RPS20: variants seen among roughly 807,000 people sequenced by gnomAD.
The protein encoded by RPS20 is small ribosomal subunit protein uS10.
RPS20 carries 3 observed loss-of-function variants against 15.3 expected under a neutral mutation model. The ratio of observed to expected loss-of-function variants is 0.20; its 90% CI spans 0.09 to 0.51. The LOEUF (loss-of-function observed/expected upper bound fraction) is 0.51, where lower values mean the gene tolerates loss of function less well. Among genes scored for constraint, RPS20 ranks in the 20% least tolerant of loss-of-function variants. The pLI is 0.96. For missense variants in RPS20, 67 were observed against 145.9 expected, an observed-to-expected ratio of 0.46 and a Z score of 2.79; for synonymous variants, 62 against 47.8, an observed-to-expected ratio of 1.30 and a Z score of -1.23.
chr8:56,072,990 A>T (rs978547374), downstream of RPS20: 4 of 1,482,732 alleles, frequency 2.7e-6, no homozygotes, highest in Non-Finnish European at 3.6e-6. Context: ...GAAAAGTGGA[A>T]GTCTCATAGT....
chr8:56,072,445 G>A (rs1183143940), downstream of RPS20, among the ~76,000 whole-genome samples: 3 of 150,692 alleles, frequency 2.0e-5, no homozygotes, highest in Non-Finnish European at 1.5e-5. Context: ...CCAACTACTT[G>A]GGAGGCTGAG....
chr8:56,071,568 G>C (rs184696708), downstream of RPS20, among the ~76,000 whole-genome samples: 4 of 152,284 alleles, frequency 2.6e-5, no homozygotes, highest in East Asian at 7.7e-4. Flanking sequence ...GAGGGGCAAG[G>C]GGTGACTCCA....
chr8:56,072,761 G>T, downstream of RPS20: 1 of 515,556 alleles, frequency 1.9e-6, no homozygotes, highest in Non-Finnish European at 2.5e-6. Flanking sequence ...TAGCGCACTA[G>T]GTTCTCAACC....
intron 1 of RPS20, 106 bp from the exon 2 acceptor site, chr8:56,074,265 C>T (rs752702767): frequency 1.3e-6 from 2 of 1,518,168 alleles, no homozygotes; most frequent in Non-Finnish European, 1.8e-6. Context: ...ATTTCAGGAG[C>T]GCCTTTCCGC....
chr8:56,071,711 G>A (rs1417614017), downstream of RPS20, among the ~76,000 whole-genome samples: 1 of 152,176 alleles, frequency 6.6e-6, no homozygotes, highest in Non-Finnish European at 1.5e-5. Context: ...CATGCAGTTG[G>A]TTGTATACAG....
rs1051895107 is a variant in RPS20, at chr8:56,074,458, G to C, written c.-75C>G. On this transcript the variant is annotated 5_prime_UTR_variant, in exon 1 of 4. Coordinates refer to ENST00000009589, the MANE Select transcript of RPS20 (RefSeq NM_001023.4). Reference sequence around the variant, plus strand: ...ACAGCGGTGAGTCAGGAGCAGGAGCGTGCGGACCAAAAATCCTCAGCCCTT... The same window carrying C: ...ACAGCGGTGAGTCAGGAGCAGGAGCCTGCGGACCAAAAATCCTCAGCCCTT... The C allele has an allele frequency of 1.3e-6, 2 of 1,507,502 alleles. No homozygotes were observed. The highest frequency in any genetic ancestry group is 2.4e-5 in the East Asian group (1 of 40,896). The allele number at this position is 1,507,502 out of a possible 1,614,324, so 93.4% of individuals were successfully genotyped here.
downstream of RPS20, among the ~76,000 whole-genome samples, chr8:56,070,737 CAAAA>C (rs201439919): frequency 2.5e-5 from 3 of 119,162 alleles, no homozygotes; most frequent in African/African-American, 9.8e-5. Context: ...CATTTAAATT[CAAAA>C]AAAAAAAAAA....
intron 3 of RPS20, chr8:56,073,476 G>A: frequency 1.6e-6 from 1 of 635,006 alleles, no homozygotes; most frequent in South Asian, 1.9e-5. Flanking sequence ...GCTTGCGCCT[G>A]TTAAGCACCA....
intron 1 of RPS20, 71 bp downstream of exon 1, chr8:56,074,310 G>C: frequency 3.0e-5 from 47 of 1,546,128 alleles, no homozygotes; most frequent in Non-Finnish European, 3.9e-5. Flanking sequence ...TCAGGAGCAC[G>C]AACTCGAAAC....
At position 56,073,905 on chromosome 8, in the gene RPS20, G is replaced by C. The variant is rs375521153; in HGVS notation, c.104-137C>G. ...AATAGGTACCTCCTCATCGCCAGCTGTATGACAGTAAAAGCAATTTTAAGC... is the reference window on the plus strand; with the variant it reads ...AATAGGTACCTCCTCATCGCCAGCTCTATGACAGTAAAAGCAATTTTAAGC... On this transcript the variant is annotated intron_variant, in intron 2 of 3. Coordinates refer to ENST00000009589, the MANE Select transcript of RPS20 (RefSeq NM_001023.4). 12 of 1,084,914 alleles carry C rather than the reference G, an allele frequency of 1.1e-5. No individual in the cohort carries two copies. The African/African-American group carries it at 1.4e-4, about 13-fold the overall frequency. The allele number at this position is 1,084,914 out of a possible 1,614,324, so 67.2% of individuals were successfully genotyped here.
intron 3 of RPS20, 72 bp downstream of exon 3, chr8:56,073,623 C>CTCCTTAA: frequency 2.3e-6 from 3 of 1,296,330 alleles, no homozygotes. Flanking sequence ...GGCAGCCGAA[C>CTCCTTAA]TCCTTAAAGA....
chr8:56,071,364 G>A (rs1302489052), downstream of RPS20, among the ~76,000 whole-genome samples: 1 of 152,212 alleles, frequency 6.6e-6, no homozygotes. Context: ...GTATTGATAG[G>A]TATTCCATTT....
chr8:56,069,946 T>C (rs964452041), downstream of RPS20: 9 of 686,748 alleles, frequency 1.3e-5, no homozygotes, highest in African/African-American at 1.1e-4. Context: ...ACCATTTACA[T>C]TGTATTAGGT....
At chr8:56,073,454 A>G (rs1302128193) in intron 3 of RPS20, 182 bp from the exon 4 acceptor site, 2 of 637,002 alleles carry the variant, frequency 3.1e-6, no homozygotes, top group East Asian at 5.4e-5. Context: ...GTGCTAGGAC[A>G]CCACCCTTAG....
At position 56,074,370 on chromosome 8, in the gene RPS20, T is replaced by C. The variant is rs748508252; in HGVS notation, c.3+11A>G. The C allele has an allele frequency of 3.4e-5, 53 of 1,557,024 alleles. No individual in the cohort carries two copies. The African/African-American group carries it at 6.4e-4, about 19-fold the overall frequency. On this transcript the variant is annotated intron_variant, in intron 1 of 3. Transcript: ENST00000009589. Reference sequence around the variant, plus strand: ...CTGCGTTGCGCCGCCCGCCGCCGACTGCCGCCTCACCATGGCTGTTGCGCG... The same window carrying C: ...CTGCGTTGCGCCGCCCGCCGCCGACCGCCGCCTCACCATGGCTGTTGCGCG...
At chr8:56,069,771 A>C (rs1305483143), downstream of RPS20, 1 of 1,551,326 alleles carries the variant, frequency 6.4e-7, no homozygotes, top group African/African-American at 1.4e-5. Context: ...ATTCGAATAC[A>C]CTTCTCAAAG....
chr8:56,071,944 C>T (rs1190573573), downstream of RPS20, among the ~76,000 whole-genome samples: 1 of 152,154 alleles, frequency 6.6e-6, no homozygotes, highest in Non-Finnish European at 1.5e-5. Context: ...GGGTATCTAT[C>T]TGATTTTAAA....
At chr8:56,069,734 G>A (rs1391530018), downstream of RPS20, 5 of 1,551,360 alleles carry the variant, frequency 3.2e-6, no homozygotes, top group Non-Finnish European at 4.4e-6. Context: ...GGAGGAGAAT[G>A]CAGTTAAAAA....
chr8:56,072,573 A>G (rs529855871), downstream of RPS20, among the ~76,000 whole-genome samples: 705 of 148,676 alleles, frequency 4.7e-3, 8 homozygotes, highest in African/African-American at 0.016. Flanking sequence ...AAAAAAAGTG[A>G]AAATTTTATA....
Sources: allele counts gnomAD v4.1 joint callset (sites outside exome capture counted in the v4.1 genomes callset), GRCh38; gene constraint gnomAD v4.1.1; transcripts MANE v1.5; gene names NCBI Gene and HGNC (gene_info 2026-07-23, HGNC 2026-07-21).